NUMA1: variants seen among roughly 807,000 people sequenced by gnomAD.
NUMA1 encodes the protein SP-H antigen.
Under a neutral mutation model 237.1 loss-of-function variants are expected in NUMA1, and 62 were observed. That is an observed-to-expected ratio of 0.26 (90% CI 0.21 to 0.32). The LOEUF (loss-of-function observed/expected upper bound fraction) is 0.32, where lower values mean the gene tolerates loss of function less well. NUMA1 is among the 10% of genes least tolerant of loss of function. The pLI, the probability that NUMA1 is intolerant of heterozygous loss-of-function variation, is 1.00. For synonymous variants in NUMA1, 1,028 were observed against 1,066.1 expected, an observed-to-expected ratio of 0.96 and a Z score of 0.70; for missense variants, 2,533 against 2,666.5, an observed-to-expected ratio of 0.95 and a Z score of 1.10.
At position 72,015,794 on chromosome 11, in the gene NUMA1, A is replaced by G. The variant is rs764948286; in HGVS notation, c.1709T>C (p.Val570Ala). Residue 570 changes from valine to alanine, a missense_variant, in exon 15 of 27, where the codon GTA becomes GCA. By Grantham distance (64) the Val-to-Ala change is moderately conservative. Transcript: ENST00000393695. This position sits in a 1 kb window ranked among gnomAD's most constrained non-coding sequence, Gnocchi z 4.0. ...LKQKEQQLKEVAEKQEATRQD... is the reference protein window; with the variant it reads ...LKQKEQQLKEAAEKQEATRQD... ...CCTAGTTGCCTCCTGCTTCTCCGCT[A>G]CCTCCTTCAACTGCTGCTCCTTCTG... 3.7e-6 allele frequency: 6 copies of G among 1,613,792 alleles called. No homozygotes were observed. The highest frequency in any genetic ancestry group is 4.2e-6 in the Non-Finnish European group (5 of 1,179,964).
At position 72,013,873 on chromosome 11, in the gene NUMA1, C is replaced by T; in HGVS notation, c.3630G>A (p.Lys1210=). Residue 1210 remains lysine (K), a synonymous_variant, in exon 15 of 27, where the codon AAG becomes AAA. Transcript: ENST00000393695. The surrounding 1 kb of genome is among the most constrained non-coding windows in gnomAD (Gnocchi z 6.8). ...CTTGCCGGCCCCGGGCCACCTGGGC[C>T]TTCCACTCATCTTCAGCCTTGCTGT... ...QDHSKAEDEW[K]AQVARGRQEA... is the part of the protein sequence containing the mutation. 6.2e-7 allele frequency: 1 copy of T among 1,613,908 alleles called. No homozygotes were observed. The highest frequency in any genetic ancestry group is 1.3e-5 in the African/African-American group (1 of 75,080).
intron 4 of NUMA1, among the ~76,000 whole-genome samples, chr11:72,025,771 C>T (rs1057233206): frequency 1.3e-5 from 2 of 152,186 alleles, no homozygotes; most frequent in Admixed American, 1.3e-4. Flanking sequence ...ATTACACAGG[C>T]TTCTTCCAAG....
At chr11:72,053,844 A>C (rs141487148) in intron 2 of NUMA1, among the ~76,000 whole-genome samples, 5 of 152,394 alleles carry the variant, frequency 3.3e-5, no homozygotes, top group Admixed American at 1.3e-4. Flanking sequence ...GAAGATGTAT[A>C]AACTTTTTTT....
At chr11:72,031,393 ATAGT>A (rs1200474605) in intron 3 of NUMA1, among the ~76,000 whole-genome samples, 3 of 152,246 alleles carry the variant, frequency 2.0e-5, no homozygotes, top group Non-Finnish European at 4.4e-5. Flanking sequence ...GTATTTCTTA[ATAGT>A]TAAGTTAGCT....
At chr11:72,073,954 G>A (rs2136315033) in intron 1 of NUMA1, among the ~76,000 whole-genome samples, 1 of 152,302 alleles carries the variant, frequency 6.6e-6, no homozygotes, top group South Asian at 2.1e-4. Context: ...CACTTTGGGA[G>A]GCTGAGGCAG....
chr11:72,070,831 C>A (rs1035206031), intron 1 of NUMA1, among the ~76,000 whole-genome samples: 5 of 152,146 alleles, frequency 3.3e-5, no homozygotes, highest in African/African-American at 2.4e-5. Flanking sequence ...GCTGCACCCC[C>A]CTAAAGGCAT....
chr11:72,061,454 T>C (rs1942931849), intron 2 of NUMA1, among the ~76,000 whole-genome samples: 1 of 151,562 alleles, frequency 6.6e-6, no homozygotes, highest in South Asian at 2.1e-4. Flanking sequence ...AGATTTTCTA[T>C]GCACTACTCT....
Position 72,004,627 on chromosome 11 carries a change from C to G in NUMA1, c.6006+13G>C, listed in dbSNP as rs1955553539. ...ACAGTGCTGGAGTAACACCCAGGAG[C>G]CACCGCGCCTACCTCAGGAGTTCCA... On this transcript the variant is annotated intron_variant, in intron 24 of 26. Transcript: ENST00000393695. 1 of 1,609,688 alleles carries G rather than the reference C, an allele frequency of 6.2e-7. No individual in the cohort carries two copies. The highest frequency in any genetic ancestry group is 8.5e-7 in the Non-Finnish European group (1 of 1,178,978).
chr11:72,060,083 C>G (rs899870952), intron 2 of NUMA1, among the ~76,000 whole-genome samples: 2 of 152,140 alleles, frequency 1.3e-5, no homozygotes, highest in South Asian at 4.1e-4. Flanking sequence ...TAAGTCCAGA[C>G]ATCAAAGCTG....
At chr11:72,006,729 G>A (rs575089995) in intron 21 of NUMA1, among the ~76,000 whole-genome samples, 2 of 152,150 alleles carry the variant, frequency 1.3e-5, no homozygotes, top group East Asian at 3.9e-4. Flanking sequence ...GTAGCAGGGG[G>A]CACCCTAAAC....
At chr11:72,025,586 A>G (rs1377039963) in intron 4 of NUMA1, among the ~76,000 whole-genome samples, 1 of 152,168 alleles carries the variant, frequency 6.6e-6, no homozygotes, top group African/African-American at 2.4e-5. Flanking sequence ...TCTAGGCTAC[A>G]GTGGGAGATC....
At chr11:72,056,330 T>TC (rs1013522405) in intron 2 of NUMA1, among the ~76,000 whole-genome samples, 1 of 150,240 alleles carries the variant, frequency 6.7e-6, no homozygotes, top group African/African-American at 2.5e-5. Context: ...TCTCTCTTTT[T>TC]TTTTTTTTGA....
At chr11:72,025,496 C>T (rs541030105) in intron 4 of NUMA1, among the ~76,000 whole-genome samples, 2 of 152,248 alleles carry the variant, frequency 1.3e-5, no homozygotes, top group Middle Eastern at 3.4e-3. Flanking sequence ...GGGGGAACTT[C>T]GCTGGATCCC....
intron 4 of NUMA1, among the ~76,000 whole-genome samples, chr11:72,028,632 C>T (rs1401378390): frequency 1.3e-5 from 2 of 152,120 alleles, no homozygotes; most frequent in Non-Finnish European, 2.9e-5. Context: ...ATGGTAACAA[C>T]AAGCTTATTA....
intron 4 of NUMA1, among the ~76,000 whole-genome samples, chr11:72,027,895 G>A (rs189775019): frequency 4.6e-5 from 7 of 152,316 alleles, no homozygotes; most frequent in East Asian, 1.9e-4. Flanking sequence ...AGAGATCAGC[G>A]CCAAGGAGAC....
chr11:72,036,041 CG>C, intron 2 of NUMA1, 66 bp from the exon 3 acceptor site: 2 of 1,255,444 alleles, frequency 1.6e-6, no homozygotes, highest in African/African-American at 1.5e-5. Flanking sequence ...GAAATAAAGG[CG>C]AAATGGTTCA....
At position 72,021,137 on chromosome 11, in the gene NUMA1, C is replaced by T. The variant is rs922238723; in HGVS notation, c.460+67G>A. 35 of 1,303,692 alleles carry T rather than the reference C, an allele frequency of 2.7e-5. No individual in the cohort carries two copies. The African/African-American group carries it at 3.8e-4, about 14-fold the overall frequency. The allele number at this position is 1,303,692 out of a possible 1,614,324, so 80.8% of individuals were successfully genotyped here. ...AGAAACAAACCCCCACCATACTTGA[C>T]AACTCAGGATCCTAGTATTCCCCAT... is the stretch of plus-strand genomic sequence containing the variant. On this transcript the variant is annotated intron_variant, in intron 8 of 26. Coordinates refer to ENST00000393695, the MANE Select transcript of NUMA1 (RefSeq NM_006185.4).
At chr11:72,023,879 T>G (rs1248780152) in intron 5 of NUMA1, among the ~76,000 whole-genome samples, 1 of 152,202 alleles carries the variant, frequency 6.6e-6, no homozygotes, top group South Asian at 2.1e-4. Context: ...CCTACACCTA[T>G]CGCCTAAGCA....
Position 72,010,769 on chromosome 11 carries a change from TC to T in NUMA1, c.4719+16del. On this transcript the variant is annotated intron_variant, in intron 17 of 26. Coordinates refer to ENST00000393695, the MANE Select transcript of NUMA1 (RefSeq NM_006185.4). ...TCCCTTGTCCAGAGGCCAGACCCATTCCCCCAGCTGCCCCACCTTCAGCTTC... is the reference window on the plus strand; with the variant it reads ...TCCCTTGTCCAGAGGCCAGACCCATTCCCCAGCTGCCCCACCTTCAGCTTC... 1 of 1,611,436 alleles carries T rather than the reference TC, an allele frequency of 6.2e-7. No individual in the cohort carries two copies.
Sources: gnomAD v4.1 joint callset for allele counts (sites outside exome capture counted in the v4.1 genomes callset) on GRCh38, gnomAD v4.1.1 for gene constraint, Gnocchi (gnomAD v3.1) non-coding constraint, MANE v1.5 for transcripts, NCBI Gene and HGNC (gene_info 2026-07-23, HGNC 2026-07-21) for gene names.